Variants in LRRC7 observed in about 807,000 individuals in gnomAD.
The protein encoded by LRRC7 is leucine rich repeat containing 7, also known as leucine-rich repeat-containing protein 7.
Under a neutral mutation model 175.7 loss-of-function variants are expected in LRRC7, and 23 were observed. The ratio of observed to expected loss-of-function variants is 0.13; its 90% confidence interval spans 0.09 to 0.19. LRRC7 has a LOEUF of 0.19. LRRC7 is among the 10% of genes least tolerant of loss of function. The pLI, the probability that LRRC7 is intolerant of heterozygous loss-of-function variation, is 1.00. For missense variants in LRRC7, 1,354 were observed against 1,904.7 expected, an observed-to-expected ratio of 0.71 and a Z score of 5.38; for synonymous variants, 685 against 680.9, an observed-to-expected ratio of 1.01 and a Z score of -0.09.
rs531291439 is a variant in LRRC7 at position 69,710,273 on chromosome 1, C to T, written c.100+31795C>T. ...CAGCCTGGGCGACATAGCAAGACTC[C>T]GTCTCAAAAAAAAAAAAAAAAAAAA... On this transcript the variant is annotated intron_variant, in intron 2 of 26. Transcript: ENST00000651989. Among the ~76,000 whole-genome samples the T allele has an allele frequency of 1.2e-3, 104 of 85,596 alleles. 1 individual carries two copies. Among genetic ancestry groups the T allele is most frequent in the Admixed American group, 2.8e-3 (18 of 6,336 alleles). 56.2% of individuals were successfully genotyped at this position (85,596 alleles called of 152,430 possible). A position where few individuals can be genotyped will look rare whatever the true frequency, so the allele number is the denominator to read the frequency against.
At chr1:69,978,995 A>C (rs1332569779) in intron 8 of LRRC7, among the ~76,000 whole-genome samples, 1 of 151,400 alleles carries the variant, frequency 6.6e-6, no homozygotes, top group African/African-American at 2.4e-5. Flanking sequence ...ACCAGGATCT[A>C]TCCTTTAGCT....
chr1:69,676,319 G>GT (rs1327361399), intron 1 of LRRC7, among the ~76,000 whole-genome samples: 1 of 151,980 alleles, frequency 6.6e-6, no homozygotes, highest in Non-Finnish European at 1.5e-5. Context: ...TAATCACACT[G>GT]TTTTCAATGG....
At chr1:69,635,835 TA>T (rs1407259362) in intron 1 of LRRC7, among the ~76,000 whole-genome samples, 1 of 151,880 alleles carries the variant, frequency 6.6e-6, no homozygotes, top group Non-Finnish European at 1.5e-5. Context: ...GATGTTTTTT[TA>T]AAAAAATAGT....
intron 1 of LRRC7, among the ~76,000 whole-genome samples, chr1:69,618,190 C>T (rs1044930062): frequency 4.6e-5 from 7 of 152,086 alleles, no homozygotes; most frequent in African/African-American, 1.4e-4. Flanking sequence ...TTTTCCATTA[C>T]TCTCCATTAC....
intron 8 of LRRC7, among the ~76,000 whole-genome samples, chr1:69,953,138 A>G (rs1000730642): frequency 2.6e-5 from 4 of 151,932 alleles, no homozygotes; most frequent in African/African-American, 9.7e-5. Context: ...ATCCACCGCT[A>G]CAAGGACAAT....
chr1:69,608,479 A>G (rs923524806), intron 1 of LRRC7, among the ~76,000 whole-genome samples: 6 of 152,074 alleles, frequency 3.9e-5, no homozygotes, highest in Non-Finnish European at 7.4e-5. Context: ...AGAGGTAGTC[A>G]CATGAGAAGA....
rs1685379175 is a variant in LRRC7, at chr1:69,870,182, CA to C, written c.647+31900del. Among the ~76,000 whole-genome samples, 4 of 152,174 alleles carry C rather than the reference CA, an allele frequency of 2.6e-5. No homozygotes were observed. In the South Asian group the frequency reaches 8.3e-4, roughly 32 times the overall value. ...TTTCAGCAGGGGAGAAGGTTTAGTA[CA>C]TTGCCTACACACAGTAGATGCTCAA... On this transcript the variant is annotated intron_variant, in intron 7 of 26. Coordinates refer to ENST00000651989, the MANE Select transcript of LRRC7 (RefSeq NM_001370785.2).
intron 7 of LRRC7, 52 bp downstream of exon 7, chr1:69,838,335 A>G: frequency 7.3e-7 from 1 of 1,367,304 alleles, no homozygotes; most frequent in East Asian, 2.3e-5. Flanking sequence ...TTTCACTAGT[A>G]AGAGAAATAA....
chr1:69,661,084 C>T (rs1022399730), intron 1 of LRRC7, among the ~76,000 whole-genome samples: 4 of 151,770 alleles, frequency 2.6e-5, no homozygotes, highest in African/African-American at 7.3e-5. Context: ...AAATGAAATG[C>T]CAGGTTCAGA....
At chr1:69,775,376 A>C (rs1216169495) in intron 3 of LRRC7, among the ~76,000 whole-genome samples, 1 of 152,212 alleles carries the variant, frequency 6.6e-6, no homozygotes, top group East Asian at 1.9e-4. Context: ...GTTATACTCT[A>C]GAGAATTAAT....
intron 1 of LRRC7, among the ~76,000 whole-genome samples, chr1:69,648,718 G>C (rs1230210115): frequency 1.3e-5 from 2 of 152,140 alleles, no homozygotes; most frequent in Non-Finnish European, 2.9e-5. Context: ...TCCAGCTCTT[G>C]CTACTCTCTG....
At chr1:69,658,960 A>G (rs1471433263) in intron 1 of LRRC7, among the ~76,000 whole-genome samples, 1 of 152,044 alleles carries the variant, frequency 6.6e-6, no homozygotes, top group Non-Finnish European at 1.5e-5. Context: ...CTCCATGTCT[A>G]AAGGAGCATA....
chr1:69,813,822 A>G (rs1678253824), intron 4 of LRRC7, among the ~76,000 whole-genome samples: 1 of 152,098 alleles, frequency 6.6e-6, no homozygotes, highest in Admixed American at 6.6e-5. Flanking sequence ...TCTCAGCTGA[A>G]AAATAGAGAT....
intron 2 of LRRC7, among the ~76,000 whole-genome samples, chr1:69,723,678 A>G (rs758579292): frequency 7.2e-5 from 11 of 152,166 alleles, no homozygotes; most frequent in Non-Finnish European, 1.5e-4. Flanking sequence ...CCATAGACTG[A>G]GTGACTTATA....
intron 7 of LRRC7, among the ~76,000 whole-genome samples, chr1:69,925,477 A>C (rs1013766591): frequency 1.3e-5 from 2 of 152,006 alleles, no homozygotes; most frequent in African/African-American, 2.4e-5. Context: ...ACAATTTCAG[A>C]GGCTGTTATT....
At chr1:69,597,953 T>C (rs1646908616) in intron 1 of LRRC7, among the ~76,000 whole-genome samples, 1 of 152,216 alleles carries the variant, frequency 6.6e-6, no homozygotes, top group South Asian at 2.1e-4. Flanking sequence ...AAGACTCAAC[T>C]ACCTTTCAAA....
At chr1:69,717,975 GAA>G (rs1665799556) in intron 2 of LRRC7, among the ~76,000 whole-genome samples, 5 of 44,566 alleles carry the variant, frequency 1.1e-4, no homozygotes, top group South Asian at 8.2e-4. Context: ...GAAAGAAAGA[GAA>G]AGAAAGAGGA....
chr1:69,577,802 G>T (rs1646017278), intron 1 of LRRC7, among the ~76,000 whole-genome samples: 1 of 152,156 alleles, frequency 6.6e-6, no homozygotes, highest in South Asian at 2.1e-4. Context: ...ATAGTTTGAA[G>T]TCAGGTAGCG....
chr1:69,905,410 C>T (rs944867714), intron 7 of LRRC7, among the ~76,000 whole-genome samples: 1 of 152,022 alleles, frequency 6.6e-6, no homozygotes, highest in Non-Finnish European at 1.5e-5. Context: ...CTCCCCGCTC[C>T]CACCACCCCA....
Sources: allele counts gnomAD v4.1 joint callset (sites outside exome capture counted in the v4.1 genomes callset), GRCh38; gene constraint gnomAD v4.1.1; transcripts MANE v1.5; gene names NCBI Gene and HGNC (gene_info 2026-07-23, HGNC 2026-07-21).